PARD3B: variants seen among roughly 807,000 people sequenced by gnomAD.
The protein encoded by PARD3B is partitioning defective 3 homolog B.
PARD3B carries 103 observed loss-of-function variants against 130.2 expected under a neutral mutation model. The ratio of observed to expected loss-of-function variants is 0.79; its 90% confidence interval spans 0.67 to 0.93. The LOEUF (loss-of-function observed/expected upper bound fraction) is 0.93, where lower values mean the gene tolerates loss of function less well. PARD3B is among the 40% of genes least tolerant of loss of function. PARD3B has a pLI of 0.00. For missense variants in PARD3B, 1,609 were observed against 1,499.2 expected (o/e 1.07, Z -1.21); for synonymous variants, 583 against 553.2 (o/e 1.05, Z -0.76).
intron 19 of PARD3B, among the ~76,000 whole-genome samples, chr2:205,412,057 T>C (rs1301699403): frequency 1.3e-5 from 2 of 152,208 alleles, no homozygotes; most frequent in East Asian, 3.8e-4. Context: ...TCTGCTAATA[T>C]TTGGAATCCA....
chr2:204,671,178 G>A (rs1367861492), intron 1 of PARD3B, among the ~76,000 whole-genome samples: 1 of 152,070 alleles, frequency 6.6e-6, no homozygotes, highest in African/African-American at 2.4e-5. Context: ...GTGTAAGCCT[G>A]GTTTTTACTT....
At chr2:205,096,494 A>C (rs1412248398) in intron 4 of PARD3B, among the ~76,000 whole-genome samples, 1 of 152,210 alleles carries the variant, frequency 6.6e-6, no homozygotes, top group Non-Finnish European at 1.5e-5. Context: ...ATTGATTATC[A>C]ATGGGATTTA....
chr2:204,773,302 T>G (rs997717536), intron 2 of PARD3B, among the ~76,000 whole-genome samples: 1 of 151,950 alleles, frequency 6.6e-6, no homozygotes, highest in African/African-American at 2.4e-5. Flanking sequence ...GACCTTACTT[T>G]GCTTAGAATT....
chr2:205,477,596 T>TA (rs35421916), intron 20 of PARD3B, among the ~76,000 whole-genome samples: 97 of 140,726 alleles, frequency 6.9e-4, no homozygotes, highest in East Asian at 2.7e-3. Context: ...ATTGCTCTGT[T>TA]AAAAAAAAAA....
chr2:205,440,781 C>A lies in PARD3B; in HGVS notation c.3044+109C>A. On this transcript the variant is annotated intron_variant, in intron 20 of 22. Transcript: ENST00000406610. The surrounding 1 kb of genome is among the most constrained non-coding windows in gnomAD (Gnocchi z 4.2). The stretch of plus-strand genomic sequence containing the variant: ...CTCCTTCAATCAATTAAAACTGAAA[C>A]GAGTCAGTACCCTAGACAAGTGCCA... The A allele has an allele frequency of 8.7e-7, 1 of 1,147,248 alleles. No individual in the cohort carries two copies. Among genetic ancestry groups the A allele is most frequent in the Non-Finnish European group, 1.2e-6 (1 of 817,830 alleles). The allele number at this position is 1,147,248 out of a possible 1,614,324, so 71.1% of individuals were successfully genotyped here. A position where few individuals can be genotyped will look rare whatever the true frequency, so the allele number is the denominator to read the frequency against.
chr2:205,089,681 G>A (rs561979306), intron 4 of PARD3B, among the ~76,000 whole-genome samples: 1 of 152,214 alleles, frequency 6.6e-6, no homozygotes, highest in Admixed American at 6.5e-5. Flanking sequence ...AAATCTCATT[G>A]ATTCTCCATT....
chr2:204,670,701 G>A (rs1574658124), intron 1 of PARD3B, among the ~76,000 whole-genome samples: 1 of 152,030 alleles, frequency 6.6e-6, no homozygotes, highest in African/African-American at 2.4e-5. Flanking sequence ...TAGGCTATTT[G>A]GTTAAATGCA....
At chr2:205,162,110 A>C (rs887162390) in intron 11 of PARD3B, among the ~76,000 whole-genome samples, 1 of 152,094 alleles carries the variant, frequency 6.6e-6, no homozygotes, top group Non-Finnish European at 1.5e-5. Flanking sequence ...CTAATAGAGG[A>C]TGTAAATCTC....
intron 1 of PARD3B, among the ~76,000 whole-genome samples, chr2:204,553,868 A>G (rs28368645): frequency 0.032 from 4,785 of 151,076 alleles, 262 homozygotes; most frequent in African/African-American, 0.11. Context: ...CACTGACACA[A>G]AGGACTTCAG....
At chr2:205,097,252 A>T (rs1702456177) in intron 4 of PARD3B, among the ~76,000 whole-genome samples, 1 of 152,158 alleles carries the variant, frequency 6.6e-6, no homozygotes. Context: ...GCTGTCATTA[A>T]AAAAGAATCC....
chr2:205,451,708 A>ATATG (rs2048110857), intron 20 of PARD3B, among the ~76,000 whole-genome samples: 3 of 149,656 alleles, frequency 2.0e-5, no homozygotes, highest in Non-Finnish European at 3.0e-5. Flanking sequence ...ATATATATAT[A>ATATG]TGTATTTATG....
chr2:205,286,764 T>A (rs969566970), intron 16 of PARD3B, among the ~76,000 whole-genome samples: 1 of 152,202 alleles, frequency 6.6e-6, no homozygotes, highest in Non-Finnish European at 1.5e-5. Context: ...AAAAGTGATA[T>A]CAGATTTCCT....
At chr2:205,284,140 G>A (rs757510854) in intron 16 of PARD3B, among the ~76,000 whole-genome samples, 3 of 152,138 alleles carry the variant, frequency 2.0e-5, no homozygotes, top group African/African-American at 4.8e-5. Flanking sequence ...TGCACAAAGC[G>A]AACAAAGGGG....
chr2:204,580,856 G>A (rs527873534), intron 1 of PARD3B, among the ~76,000 whole-genome samples: 11 of 152,264 alleles, frequency 7.2e-5, no homozygotes, highest in African/African-American at 2.6e-4. Flanking sequence ...GGAGTTGGGG[G>A]AGTAGAATCA....
intron 19 of PARD3B, among the ~76,000 whole-genome samples, chr2:205,431,366 C>G (rs1413214112): frequency 6.6e-6 from 1 of 152,158 alleles, no homozygotes; most frequent in Non-Finnish European, 1.5e-5. Context: ...CATGAGCCAC[C>G]ATGCCCAGCC....
At chr2:204,735,463 A>T (rs1406208762) in intron 2 of PARD3B, among the ~76,000 whole-genome samples, 2 of 152,186 alleles carry the variant, frequency 1.3e-5, no homozygotes, top group African/African-American at 4.8e-5. Context: ...TAAGTAAATG[A>T]TTGGCCAAAT....
At chr2:204,874,330 G>A (rs143528385) in intron 2 of PARD3B, among the ~76,000 whole-genome samples, 9 of 152,200 alleles carry the variant, frequency 5.9e-5, no homozygotes, top group Admixed American at 1.3e-4. Flanking sequence ...AAAAAGATGC[G>A]TGAATTCTGT....
intron 18 of PARD3B, among the ~76,000 whole-genome samples, chr2:205,303,319 A>G (rs932210606): frequency 3.9e-5 from 6 of 152,134 alleles, no homozygotes; most frequent in African/African-American, 1.4e-4. Flanking sequence ...CCATCAAGGA[A>G]TCTTTGTGGC....
In PARD3B at chr2:205,560,064, A is replaced by C. The variant is rs13411536; in HGVS notation, c.3260+6661A>C. Reference sequence around the variant, plus strand: ...GGAAGGTCACACGCAGAGAGAGGTTAAATAAACTTGCCCAAGTCCAACAGC... The same window carrying C: ...GGAAGGTCACACGCAGAGAGAGGTTCAATAAACTTGCCCAAGTCCAACAGC... On this transcript the variant is annotated intron_variant, in intron 22 of 22. Transcript: ENST00000406610. Among the ~76,000 whole-genome samples the C allele has an allele frequency of 2.6e-5, 4 of 152,192 alleles. No homozygotes were observed. In the South Asian group the frequency reaches 8.3e-4, roughly 32 times the overall value.
Sources: gnomAD v4.1 joint callset for allele counts (sites outside exome capture counted in the v4.1 genomes callset) on GRCh38, gnomAD v4.1.1 for gene constraint, Gnocchi (gnomAD v3.1) non-coding constraint, MANE v1.5 for transcripts, NCBI Gene and HGNC (gene_info 2026-07-23, HGNC 2026-07-21) for gene names.